The following FRYL variants were observed in gnomAD, a reference collection of about 807,000 sequenced individuals.
FRYL encodes FRY like transcription coactivator.
Under a neutral mutation model 351.2 loss-of-function variants are expected in FRYL, and 150 were observed. That is an observed-to-expected ratio of 0.43 (90% CI 0.37 to 0.49). The LOEUF (loss-of-function observed/expected upper bound fraction) is 0.49, where lower values mean the gene tolerates loss of function less well. FRYL is among the 20% of genes least tolerant of loss of function. The pLI is 0.00. For missense variants in FRYL, 3,036 were observed against 3,619.3 expected (o/e 0.84, Z 4.13); for synonymous variants, 1,153 against 1,257.1 (o/e 0.92, Z 1.75).
At chr4:48,750,498 TAA>T (rs1252661251) in intron 1 of FRYL, among the ~76,000 whole-genome samples, 1 of 151,558 alleles carries the variant, frequency 6.6e-6, no homozygotes, top group Non-Finnish European at 1.5e-5. Flanking sequence ...AAAAGAAAAA[TAA>T]AAGTCTCTGG....
intron 3 of FRYL, among the ~76,000 whole-genome samples, chr4:48,671,283 A>G (rs1479599827): frequency 6.6e-6 from 1 of 152,234 alleles, no homozygotes; most frequent in East Asian, 1.9e-4. Context: ...CTGATATAGT[A>G]CTGTTGCACG....
At position 48,549,161 on chromosome 4, in the gene FRYL, C is replaced by T. The variant is rs1425502759; in HGVS notation, c.4784+312G>A. On this transcript the variant is annotated intron_variant, in intron 39 of 63. Coordinates refer to ENST00000358350, the MANE Select transcript of FRYL (RefSeq NM_015030.2). The surrounding 1 kb of genome is among the most constrained non-coding windows in gnomAD (Gnocchi z 4.2). The stretch of plus-strand genomic sequence containing the variant: ...TTGCTAAGTAGAATTCAATTTAACT[C>T]GATGCAAAATAATAGTGCCTACCAT... Among the ~76,000 whole-genome samples, 3 of 152,168 alleles carry T rather than the reference C, an allele frequency of 2.0e-5. No individual in the cohort carries two copies. The highest frequency in any genetic ancestry group is 7.2e-5 in the African/African-American group (3 of 41,490).
chr4:48,544,674 A>G (rs1440272302), intron 43 of FRYL, 109 bp downstream of exon 43: 3 of 839,294 alleles, frequency 3.6e-6, no homozygotes, highest in Non-Finnish European at 5.2e-6. Flanking sequence ...TAAAAGTCTA[A>G]AACTTTTAGA....
At chr4:48,559,352 A>C (rs1734866631) in intron 33 of FRYL, among the ~76,000 whole-genome samples, 1 of 150,892 alleles carries the variant, frequency 6.6e-6, no homozygotes, top group South Asian at 2.1e-4. Flanking sequence ...GAGGGAGATG[A>C]GATGATAGGA....
intron 35 of FRYL, among the ~76,000 whole-genome samples, chr4:48,554,591 G>GT (rs1733665731): frequency 6.6e-6 from 1 of 152,126 alleles, no homozygotes; most frequent in Admixed American, 6.5e-5. Context: ...CTCCTGCCTT[G>GT]GCCTCCCAAA....
chr4:48,719,925 G>A (rs1769273785), intron 1 of FRYL, among the ~76,000 whole-genome samples: 1 of 151,412 alleles, frequency 6.6e-6, no homozygotes, highest in African/African-American at 2.4e-5. Context: ...GCTGAGGTGA[G>A]TGGATCACGA....
chr4:48,550,664 A>C lies in FRYL; in HGVS notation c.4561T>G (p.Leu1521Val), dbSNP rs1205657866. 1.2e-6 allele frequency: 2 copies of C among 1,614,068 alleles called. No homozygotes were observed. Among genetic ancestry groups the C allele is most frequent in the South Asian group, 2.2e-5 (2 of 91,072 alleles). The change falls in exon 38 of 64, where the codon TTG (leucine) becomes GTG (valine). Residue 1521 changes from leucine (L) to valine (V), a missense_variant. Physicochemically the swap from Leu to Val is conservative, Grantham distance 32. Transcript: ENST00000358350. ...TCTAGTCTGTGATGTTGCCGATTCA[A>C]ATGACTGTTTAGTCCACTGTAAATG... ...LDIYSGLNSH[L>V]NRQHHRLESR...
At chr4:48,594,625 AC>A (rs1164489337) in intron 15 of FRYL, among the ~76,000 whole-genome samples, 1 of 152,218 alleles carries the variant, frequency 6.6e-6, no homozygotes, top group Non-Finnish European at 1.5e-5. Flanking sequence ...AATTACCATT[AC>A]TTTTGTACTC....
chr4:48,648,621 A>G (rs1385672186), intron 3 of FRYL, among the ~76,000 whole-genome samples: 4 of 152,158 alleles, frequency 2.6e-5, no homozygotes, highest in South Asian at 2.1e-4. Context: ...CTGAGCCCCA[A>G]TTTACTACTC....
In FRYL at chr4:48,523,060, T is replaced by A; in HGVS notation, c.7362A>T (p.Ser2454=). 5 of 1,613,902 alleles carry A rather than the reference T, an allele frequency of 3.1e-6. No homozygotes were observed. Among genetic ancestry groups the A allele is most frequent in the Middle Eastern group, 3.3e-4 (2 of 6,004 alleles). ...TGTCCCCTTTGTCAATACTGTCCAG[T>A]GAGCGCCTGCGAACTCCCCAGTTGA... ...DNFNWGVRRR[S]LDSIDKGDTP... Residue 2454 remains serine, a synonymous_variant, in exon 54 of 64, where the codon TCA becomes TCT. Transcript: ENST00000358350.
chr4:48,575,515 T>C (rs533183411), intron 24 of FRYL, among the ~76,000 whole-genome samples: 94 of 152,238 alleles, frequency 6.2e-4, no homozygotes, highest in Non-Finnish European at 1.2e-3. Context: ...TCAGATACTC[T>C]GTACCTTTTG....
Position 48,509,093 on chromosome 4 carries a change from A to G in FRYL, c.8394+966T>C, listed in dbSNP as rs78007979. On this transcript the variant is annotated intron_variant, in intron 59 of 63. Coordinates refer to ENST00000358350, the MANE Select transcript of FRYL (RefSeq NM_015030.2). ...TTCTGAAGATACAAAAACCATAACC[A>G]TGATGGAAAAGGCTGATAACCTGGA... 6.0e-3 allele frequency among the ~76,000 whole-genome samples: 921 copies of G among 152,308 alleles called. 15 individuals carry two copies. Among genetic ancestry groups the G allele is most frequent in the African/African-American group, 0.02 (845 of 41,554 alleles).
intron 2 of FRYL, among the ~76,000 whole-genome samples, chr4:48,689,132 A>G (rs1765452112): frequency 6.6e-6 from 1 of 152,224 alleles, no homozygotes; most frequent in African/African-American, 2.4e-5. Context: ...CTGATAAAGC[A>G]ATGTTCTCTG....
chr4:48,624,686 G>A (rs1014413231), intron 4 of FRYL, among the ~76,000 whole-genome samples: 10 of 152,220 alleles, frequency 6.6e-5, no homozygotes, highest in African/African-American at 2.4e-4. Context: ...CATGTCAACT[G>A]GACTGGGCCA....
intron 20 of FRYL, 90 bp from the exon 21 acceptor site, chr4:48,581,695 T>G: frequency 9.7e-7 from 1 of 1,033,804 alleles, no homozygotes. Context: ...CAAATCATAG[T>G]GATTATGACT....
chr4:48,582,700 G>A lies in FRYL; in HGVS notation c.1783C>T (p.Leu595=). The change falls in exon 20 of 64, where the codon CTG becomes TTG. Residue 595 remains leucine, a synonymous_variant. Coordinates refer to ENST00000358350, the MANE Select transcript of FRYL (RefSeq NM_015030.2). ...AGTGCCTGCAGAGTATTGAAAGCCAGAGCACGCAGTTCTTCATCCATATGA... is the reference window on the plus strand; with the variant it reads ...AGTGCCTGCAGAGTATTGAAAGCCAAAGCACGCAGTTCTTCATCCATATGA... ...TIHMDEELRA[L]AFNTLQALML... The A allele has an allele frequency of 6.2e-7, 1 of 1,614,084 alleles. No homozygotes were observed. The highest frequency in any genetic ancestry group is 8.5e-7 in the Non-Finnish European group (1 of 1,179,964).
chr4:48,634,308 C>A lies in FRYL; in HGVS notation c.103G>T (p.Val35Leu). 6.2e-7 allele frequency: 1 copy of A among 1,613,294 alleles called. No homozygotes were observed. Among genetic ancestry groups the A allele is most frequent in the Non-Finnish European group, 8.5e-7 (1 of 1,179,386 alleles). The change falls in exon 4 of 64, where the codon GTA becomes TTA. Residue 35 changes from valine (V) to leucine (L), a missense_variant. By Grantham distance (32) the Val-to-Leu change is conservative. Around this residue, in one of 7 missense-constraint regions of FRYL, gnomAD observed 457 missense variants for 566.6 expected, o/e 0.81. Transcript: ENST00000358350. ...AVQAEKKIEV[V>L]MAEPLEKLLS... is the part of the protein sequence containing the mutation. ...GTACTCACCAAGGGTTCGGCCATTA[C>A]AACTTCAATTTTCTTTTCAGCTTGA...
At chr4:48,637,201 A>G (rs1754414308) in intron 3 of FRYL, 1 of 152,160 alleles carries the variant, frequency 6.6e-6, no homozygotes, top group Admixed American at 6.6e-5. Context: ...AAAATGGAGG[A>G]GGCCAATAAT....
intron 1 of FRYL, among the ~76,000 whole-genome samples, chr4:48,721,445 T>TA (rs1769461755): frequency 6.6e-6 from 1 of 151,790 alleles, no homozygotes; most frequent in Non-Finnish European, 1.5e-5. Context: ...CAGGATCACT[T>TA]AAGCCCAAGA....
Sources: allele counts gnomAD v4.1 joint callset (sites outside exome capture counted in the v4.1 genomes callset), GRCh38; gene constraint gnomAD v4.1.1; regional missense constraint gnomAD v4.1.1; non-coding constraint Gnocchi (gnomAD v3.1); transcripts MANE v1.5; gene names NCBI Gene and HGNC (gene_info 2026-07-23, HGNC 2026-07-21).